WDPCP: variants seen among roughly 807,000 people sequenced by gnomAD.
The protein encoded by WDPCP is WD repeat-containing and planar cell polarity effector protein fritz homolog.
A neutral mutation model predicts 93.1 loss-of-function variants in WDPCP; 71 were observed. The ratio of observed to expected loss-of-function variants is 0.76; its 90% CI spans 0.63 to 0.93. WDPCP has a LOEUF of 0.93. Ranked by LOEUF, WDPCP falls within the 40% of genes least tolerant of loss-of-function variation. WDPCP has a pLI of 0.00. For synonymous variants in WDPCP, 315 were observed against 315.0 expected (o/e 1.00, Z 0.00); for missense variants, 844 against 887.4 (o/e 0.95, Z 0.62).
chr2:63,526,205 T>C (rs1703328831), intron 1 of WDPCP, among the ~76,000 whole-genome samples: 1 of 152,184 alleles, frequency 6.6e-6, no homozygotes, highest in South Asian at 2.1e-4. Flanking sequence ...TCTTGAAGTT[T>C]TTGAGGCTCT....
rs192817405 is a variant in WDPCP at position 63,385,249 on chromosome 2, C to T, written c.1436-3155G>A. On this transcript the variant is annotated intron_variant, in intron 10 of 17. Transcript: ENST00000272321. Reference sequence around the variant, plus strand: ...TGGAAACAAAGAAAGGATGTCCTCTCTTACCATTTCTATTTAATATTGTAC... The same window carrying T: ...TGGAAACAAAGAAAGGATGTCCTCTTTTACCATTTCTATTTAATATTGTAC... Among the ~76,000 whole-genome samples the T allele has an allele frequency of 2.0e-5, 3 of 152,142 alleles. No individual in the cohort carries two copies. The East Asian group carries it at 5.8e-4, about 30-fold the overall frequency.
rs1291909881 is a variant in WDPCP at position 63,657,938 on chromosome 2, T to G, written n.309-7100A>C. Among the ~76,000 whole-genome samples the G allele has an allele frequency of 1.4e-4, 21 of 152,160 alleles. 1 individual carries two copies. The highest frequency in any genetic ancestry group is 1.3e-3 in the Admixed American group (20 of 15,270). ...TTTGTGGAGCACAAACCTTGCTTTA[T>G]ATCTGCTTAATTTAAAAGGTTCCAT... On this transcript the variant is annotated intron_variant and non_coding_transcript_variant, in intron 2 of 4. Coordinates refer to the WDPCP transcript ENST00000467687.
At chr2:63,138,123 G>A (rs1395827678) in intron 17 of WDPCP, among the ~76,000 whole-genome samples, 1 of 132,944 alleles carries the variant, frequency 7.5e-6, no homozygotes, top group Non-Finnish European at 1.6e-5. Flanking sequence ...CCTCTGTTTG[G>A]TGATTTAGAT....
intron 2 of WDPCP, among the ~76,000 whole-genome samples, chr2:63,692,653 T>C (rs1398558354): frequency 6.6e-6 from 1 of 152,216 alleles, no homozygotes; most frequent in Non-Finnish European, 1.5e-5. Context: ...AAATCTCTTT[T>C]AGATAGGCCT....
chr2:63,534,546 C>T (rs1410769995), intron 1 of WDPCP, among the ~76,000 whole-genome samples: 1 of 152,200 alleles, frequency 6.6e-6, no homozygotes, highest in Non-Finnish European at 1.5e-5. Flanking sequence ...GGATGCAAGA[C>T]TGGTTCAGCA....
chr2:63,780,811 T>G (rs544844435), intron 2 of WDPCP, among the ~76,000 whole-genome samples: 1 of 152,182 alleles, frequency 6.6e-6, no homozygotes, highest in Non-Finnish European at 1.5e-5. Flanking sequence ...TCAGGCAGAA[T>G]GGAAGCAGTA....
intron 12 of WDPCP, among the ~76,000 whole-genome samples, chr2:63,317,964 CA>C (rs1404658613): frequency 2.0e-5 from 3 of 151,994 alleles, no homozygotes; most frequent in Non-Finnish European, 4.4e-5. Context: ...AAGAAACTAT[CA>C]AAAAAGTAAA....
chr2:63,461,730 A>G (rs959745776), intron 6 of WDPCP, among the ~76,000 whole-genome samples: 17 of 152,104 alleles, frequency 1.1e-4, no homozygotes, highest in African/African-American at 3.9e-4. Context: ...TAATACATTC[A>G]TGTAGCTCCA....
intron 14 of WDPCP, among the ~76,000 whole-genome samples, chr2:63,252,463 G>T (rs1680811003): frequency 6.6e-6 from 1 of 152,028 alleles, no homozygotes. Flanking sequence ...GAAATTAAAG[G>T]CATCCAAATA....
intron 14 of WDPCP, among the ~76,000 whole-genome samples, chr2:63,203,676 C>T (rs370898077): frequency 6.6e-6 from 1 of 152,126 alleles, no homozygotes; most frequent in African/African-American, 2.4e-5. Flanking sequence ...TGGTAACCAT[C>T]CTTCTACGCT....
chr2:63,623,731 A>C (rs1709775523), intron 3 of WDPCP, among the ~76,000 whole-genome samples: 1 of 152,340 alleles, frequency 6.6e-6, no homozygotes, highest in South Asian at 2.1e-4. Context: ...CCCACACAAT[A>C]ATAGTGGGAG....
At chr2:63,657,372 T>A (rs1056935401) in intron 2 of WDPCP, among the ~76,000 whole-genome samples, 7 of 151,832 alleles carry the variant, frequency 4.6e-5, no homozygotes, top group Non-Finnish European at 1.0e-4. Flanking sequence ...GCCCGGCTAA[T>A]TTTTTTGTAT....
At chr2:63,829,269 CCTT>C (rs1336262340), upstream of WDPCP, among the ~76,000 whole-genome samples, 1 of 152,066 alleles carries the variant, frequency 6.6e-6, no homozygotes, top group African/African-American at 2.4e-5. Context: ...ATTTCTTTTT[CCTT>C]CTTGTCTCCT....
intron 1 of WDPCP, among the ~76,000 whole-genome samples, chr2:63,572,774 T>C (rs1288462692): frequency 1.4e-5 from 2 of 144,566 alleles, no homozygotes; most frequent in African/African-American, 5.2e-5. Context: ...GGCAAAATCA[T>C]GCAATATGAG....
intron 14 of WDPCP, among the ~76,000 whole-genome samples, chr2:63,219,270 T>G (rs894196017): frequency 6.6e-6 from 1 of 152,212 alleles, no homozygotes; most frequent in African/African-American, 2.4e-5. Flanking sequence ...AGTTTACAAT[T>G]TACAAGTAGG....
At chr2:63,470,321 A>C (rs1232589135) in intron 6 of WDPCP, among the ~76,000 whole-genome samples, 1 of 152,158 alleles carries the variant, frequency 6.6e-6, no homozygotes, top group African/African-American at 2.4e-5. Flanking sequence ...TGACTTCTCT[A>C]ATTGGCTATC....
intron 1 of WDPCP, among the ~76,000 whole-genome samples, chr2:63,515,361 T>C (rs1020011840): frequency 2.0e-5 from 3 of 152,072 alleles, no homozygotes; most frequent in Non-Finnish European, 4.4e-5. Context: ...TTATCTCAAA[T>C]ATAAACTTCA....
At chr2:63,188,350 A>G (rs895629431) in intron 14 of WDPCP, among the ~76,000 whole-genome samples, 1 of 151,784 alleles carries the variant, frequency 6.6e-6, no homozygotes, top group Non-Finnish European at 1.5e-5. Flanking sequence ...CTGTTAATTT[A>G]TCTTCATTTT....
At chr2:63,623,484 A>G (rs1287039285) in intron 3 of WDPCP, among the ~76,000 whole-genome samples, 1 of 152,166 alleles carries the variant, frequency 6.6e-6, no homozygotes, top group Non-Finnish European at 1.5e-5. Context: ...GGGATGGAGG[A>G]ATATTTACCA....
Sources: allele counts gnomAD v4.1 joint callset (sites outside exome capture counted in the v4.1 genomes callset), GRCh38; gene constraint gnomAD v4.1.1; transcripts MANE v1.5; gene names NCBI Gene and HGNC (gene_info 2026-07-23, HGNC 2026-07-21).